Variants in PDE4D observed in about 807,000 individuals in gnomAD.
PDE4D encodes 3',5'-cyclic-AMP phosphodiesterase 4D.
A neutral mutation model predicts 87.4 loss-of-function variants in PDE4D; 24 were observed. The observed-to-expected ratio is 0.27, with a 90% CI of 0.20 to 0.39. The LOEUF (loss-of-function observed/expected upper bound fraction) is 0.39. Among genes scored for constraint, PDE4D ranks in the 10% least tolerant of loss-of-function variants. PDE4D has a pLI of 1.00. For synonymous variants in PDE4D, 384 were observed against 383.2 expected, an observed-to-expected ratio of 1.00 and a Z score of -0.02; for missense variants, 714 against 1,041.0, an observed-to-expected ratio of 0.69 and a Z score of 4.32.
chr5:60,392,437 T>C (rs776127337), intron 1 of PDE4D, among the ~76,000 whole-genome samples: 4 of 152,226 alleles, frequency 2.6e-5, no homozygotes, highest in Non-Finnish European at 4.4e-5. Context: ...CAGGTAAGCC[T>C]CACCTCTTTC....
intron 1 of PDE4D, among the ~76,000 whole-genome samples, chr5:60,396,608 T>G (rs1375346592): frequency 6.6e-6 from 1 of 152,134 alleles, no homozygotes; most frequent in Admixed American, 6.5e-5. Flanking sequence ...CTCAAACTCC[T>G]GGGCTCAAGG....
intron 1 of PDE4D, among the ~76,000 whole-genome samples, chr5:59,402,363 A>T (rs1249785197): frequency 6.6e-6 from 1 of 152,186 alleles, no homozygotes; most frequent in East Asian, 1.9e-4. Context: ...TGAACAGCAC[A>T]AGCTGTCCCT....
intron 1 of PDE4D, among the ~76,000 whole-genome samples, chr5:59,256,351 A>G (rs144996975): frequency 2.6e-5 from 4 of 152,180 alleles, no homozygotes; most frequent in Non-Finnish European, 5.9e-5. Context: ...TGAGAAAGAG[A>G]AGCCTCCTTT....
At chr5:59,040,850 G>GCA (rs1396255177) in intron 5 of PDE4D, among the ~76,000 whole-genome samples, 1 of 152,150 alleles carries the variant, frequency 6.6e-6, no homozygotes, top group Admixed American at 6.5e-5. Context: ...AATTAACATG[G>GCA]CACAACAAAT....
chr5:59,328,187 GAC>G (rs1392565695), intron 1 of PDE4D, among the ~76,000 whole-genome samples: 1 of 152,154 alleles, frequency 6.6e-6, no homozygotes, highest in African/African-American at 2.4e-5. Context: ...TCTGAAGACA[GAC>G]TAGTGGAATT....
intron 1 of PDE4D, among the ~76,000 whole-genome samples, chr5:59,600,451 T>C (rs908374097): frequency 1.3e-5 from 2 of 152,158 alleles, no homozygotes; most frequent in Non-Finnish European, 1.5e-5. Context: ...GGTGATGTGT[T>C]TGAACCTCTT....
At chr5:60,290,908 C>A (rs577882167) in intron 1 of PDE4D, among the ~76,000 whole-genome samples, 28 of 152,198 alleles carry the variant, frequency 1.8e-4, no homozygotes, top group African/African-American at 5.5e-4. Flanking sequence ...GTATTTGTAA[C>A]CCCCCAAAAA....
chr5:59,841,970 C>G (rs186778308), intron 1 of PDE4D, among the ~76,000 whole-genome samples: 1 of 152,040 alleles, frequency 6.6e-6, no homozygotes, highest in East Asian at 1.9e-4. Flanking sequence ...AAGTAGGAGC[C>G]AGGTAAGAAA....
At chr5:60,183,014 T>C (rs1784499190) in intron 2 of PDE4D, among the ~76,000 whole-genome samples, 1 of 152,092 alleles carries the variant, frequency 6.6e-6, no homozygotes, top group African/African-American at 2.4e-5. Context: ...GTAATTAGTG[T>C]TAGATGAATT....
intron 6 of PDE4D, among the ~76,000 whole-genome samples, chr5:59,037,307 A>G (rs1323539066): frequency 6.6e-6 from 1 of 152,140 alleles, no homozygotes; most frequent in African/African-American, 2.4e-5. Context: ...GTGGCTTTTG[A>G]TTCTGCTCTT....
chr5:60,294,575 T>C (rs1753208368), intron 1 of PDE4D, among the ~76,000 whole-genome samples: 1 of 152,212 alleles, frequency 6.6e-6, no homozygotes, highest in East Asian at 1.9e-4. Context: ...TTTTTTCCCA[T>C]ATGGATATCA....
rs894511796 is a variant in PDE4D, at chr5:60,248,920, T to C, written c.-89-63233A>G. On this transcript the variant is annotated intron_variant, in intron 1 of 16. Transcript: ENST00000502484. Reference sequence around the variant, plus strand: ...CTCAGAACAACAGCAGCATACCTGATTGAGGAGCAGCTGGCATTCACTGCG... The same window carrying C: ...CTCAGAACAACAGCAGCATACCTGACTGAGGAGCAGCTGGCATTCACTGCG... 2.0e-5 allele frequency among the ~76,000 whole-genome samples: 3 copies of C among 152,130 alleles called. No homozygotes were observed. In the South Asian group the frequency reaches 6.2e-4, roughly 32 times the overall value.
chr5:59,208,835 A>G (rs1026295611), intron 2 of PDE4D, among the ~76,000 whole-genome samples: 1 of 152,218 alleles, frequency 6.6e-6, no homozygotes, highest in African/African-American at 2.4e-5. Flanking sequence ...AAACAAAAAG[A>G]TAGTAAAAAG....
At chr5:59,011,945 C>A (rs568973179) in intron 6 of PDE4D, among the ~76,000 whole-genome samples, 2 of 152,350 alleles carry the variant, frequency 1.3e-5, no homozygotes, top group East Asian at 3.9e-4. Context: ...ATCAGACTTA[C>A]AGCTGATCTC....
intron 1 of PDE4D, among the ~76,000 whole-genome samples, chr5:60,239,063 T>C (rs1293878033): frequency 2.0e-5 from 3 of 152,148 alleles, no homozygotes; most frequent in Non-Finnish European, 4.4e-5. Flanking sequence ...GCCACAAAGA[T>C]ATTTCATACA....
upstream of PDE4D, among the ~76,000 whole-genome samples, chr5:60,492,627 C>A (rs1043393205): frequency 3.9e-5 from 6 of 152,032 alleles, no homozygotes; most frequent in Admixed American, 1.3e-4. Context: ...TCATTCTCAG[C>A]AAACTATCAC....
chr5:59,366,548 A>T (rs762244657), intron 1 of PDE4D, among the ~76,000 whole-genome samples: 9 of 152,198 alleles, frequency 5.9e-5, no homozygotes, highest in Non-Finnish European at 8.8e-5. Context: ...GTTATGAGTC[A>T]GTCAAGCACT....
chr5:59,456,018 G>A lies in PDE4D; in HGVS notation c.456-240050C>T, dbSNP rs548632132. ...TTTTGATTTTACAGGCTCATAGGTA[G>A]AAGGGACTCCCCTTGTCTCAGATGA... On this transcript the variant is annotated intron_variant, in intron 1 of 14. Transcript: ENST00000340635. Among the ~76,000 whole-genome samples the A allele has an allele frequency of 2.8e-4, 42 of 152,304 alleles. 1 individual carries two copies. In the South Asian group the frequency reaches 8.3e-3, roughly 30 times the overall value.
chr5:60,143,879 A>C (rs1490098488), intron 2 of PDE4D, among the ~76,000 whole-genome samples: 1 of 152,182 alleles, frequency 6.6e-6, no homozygotes, highest in Non-Finnish European at 1.5e-5. Context: ...TTATATCAAG[A>C]AGGAGAGCTT....
Sources: gnomAD v4.1 joint callset for allele counts (sites outside exome capture counted in the v4.1 genomes callset) on GRCh38, gnomAD v4.1.1 for gene constraint, MANE v1.5 for transcripts, NCBI Gene and HGNC (gene_info 2026-07-23, HGNC 2026-07-21) for gene names.